NKAIN2: variants seen among roughly 807,000 people sequenced by gnomAD.
NKAIN2 encodes sodium/potassium transporting ATPase interacting 2.
Under a neutral mutation model 32.6 loss-of-function variants are expected in NKAIN2, and 14 were observed. The observed-to-expected ratio is 0.43, with a 90% CI of 0.28 to 0.67. The LOEUF (loss-of-function observed/expected upper bound fraction) is 0.67. NKAIN2 is among the 30% of genes least tolerant of loss of function. The pLI, the probability that NKAIN2 is intolerant of heterozygous loss-of-function variation, is 0.17. For missense variants in NKAIN2, 198 were observed against 258.3 expected, an observed-to-expected ratio of 0.77 and a Z score of 1.60; for synonymous variants, 80 against 87.2, an observed-to-expected ratio of 0.92 and a Z score of 0.46.
chr6:124,065,227 C>T (rs1342028415), intron 1 of NKAIN2, among the ~76,000 whole-genome samples: 1 of 151,958 alleles, frequency 6.6e-6, no homozygotes, highest in African/African-American at 2.4e-5. Flanking sequence ...CACACACACA[C>T]ACACACACAC....
At chr6:123,969,071 G>A (rs868810151) in intron 1 of NKAIN2, among the ~76,000 whole-genome samples, 32 of 152,014 alleles carry the variant, frequency 2.1e-4, no homozygotes, top group African/African-American at 7.7e-4. Flanking sequence ...TTACCTGGAG[G>A]TATAGGTCCC....
intron 1 of NKAIN2, among the ~76,000 whole-genome samples, chr6:124,177,093 T>A (rs1789193943): frequency 6.6e-6 from 1 of 152,180 alleles, no homozygotes; most frequent in Non-Finnish European, 1.5e-5. Context: ...ATTAGGTTAA[T>A]CTACCAAATA....
At chr6:124,578,468 CAG>C (rs1781409043) in intron 3 of NKAIN2, among the ~76,000 whole-genome samples, 1 of 151,956 alleles carries the variant, frequency 6.6e-6, no homozygotes, top group Non-Finnish European at 1.5e-5. Flanking sequence ...ATGCCAGCCA[CAG>C]AGAGAGACTC....
chr6:124,807,545 C>G (rs1780637834), intron 5 of NKAIN2, among the ~76,000 whole-genome samples: 1 of 148,016 alleles, frequency 6.8e-6, no homozygotes. Flanking sequence ...CAGGAAAGAT[C>G]CAAAATTGAC....
At chr6:124,568,867 T>C (rs989974514) in intron 3 of NKAIN2, among the ~76,000 whole-genome samples, 2 of 151,220 alleles carry the variant, frequency 1.3e-5, no homozygotes, top group Non-Finnish European at 2.9e-5. Context: ...GGAAAATCTT[T>C]ATTAGAAGAA....
At chr6:123,947,586 G>A (rs1777129076) in intron 1 of NKAIN2, among the ~76,000 whole-genome samples, 1 of 152,116 alleles carries the variant, frequency 6.6e-6, no homozygotes, top group African/African-American at 2.4e-5. Context: ...GAGAACCACA[G>A]ACATGGGCTT....
chr6:124,616,437 C>CTTTTTTTTTTTTTTTTTT (rs79406895), intron 3 of NKAIN2, among the ~76,000 whole-genome samples: 4 of 70,438 alleles, frequency 5.7e-5, no homozygotes, highest in African/African-American at 6.9e-5. Flanking sequence ...TCTTTTCTTT[C>CTTTTTTTTTTTTTTTTTT]TTTTTTTTTT....
At chr6:124,604,035 T>A (rs1782406632) in intron 3 of NKAIN2, among the ~76,000 whole-genome samples, 1 of 152,014 alleles carries the variant, frequency 6.6e-6, no homozygotes, top group Admixed American at 6.6e-5. Flanking sequence ...GGACACAGTT[T>A]TCTTTGAGAA....
chr6:123,928,038 A>G (rs980572986), intron 1 of NKAIN2, among the ~76,000 whole-genome samples: 8 of 152,216 alleles, frequency 5.3e-5, no homozygotes, highest in Non-Finnish European at 8.8e-5. Context: ...AACTAGTGGT[A>G]CATATATACC....
chr6:124,295,313 C>T (rs200894952), intron 2 of NKAIN2, among the ~76,000 whole-genome samples: 1 of 136,770 alleles, frequency 7.3e-6, no homozygotes, highest in Non-Finnish European at 1.5e-5. Flanking sequence ...CTTCTTCTTA[C>T]TATTATCATT....
intron 3 of NKAIN2, among the ~76,000 whole-genome samples, chr6:124,576,673 C>CA (rs145071307): frequency 0.097 from 14,774 of 151,798 alleles, 801 homozygotes; most frequent in South Asian, 0.2. Context: ...CCAGATAGAC[C>CA]AATAAATTTC....
At chr6:124,566,991 G>A (rs904081797) in intron 3 of NKAIN2, among the ~76,000 whole-genome samples, 5 of 152,148 alleles carry the variant, frequency 3.3e-5, no homozygotes, top group African/African-American at 9.7e-5. Flanking sequence ...TTCTGGCTTC[G>A]ATGTAAACCG....
chr6:124,529,191 T>C (rs966667364), intron 3 of NKAIN2, among the ~76,000 whole-genome samples: 1 of 152,198 alleles, frequency 6.6e-6, no homozygotes, highest in African/African-American at 2.4e-5. Flanking sequence ...TTGACATTGA[T>C]GTATACAGAA....
chr6:124,463,009 CA>C (rs1212038243), intron 3 of NKAIN2, among the ~76,000 whole-genome samples: 1 of 152,002 alleles, frequency 6.6e-6, no homozygotes, highest in Non-Finnish European at 1.5e-5. Context: ...AGCCTGTCAG[CA>C]AAGAAAATCA....
intron 1 of NKAIN2, among the ~76,000 whole-genome samples, chr6:124,055,225 G>A (rs1562331813): frequency 6.6e-6 from 1 of 151,918 alleles, no homozygotes; most frequent in Non-Finnish European, 1.5e-5. Context: ...AAATACCACT[G>A]CATTTAGTTG....
intron 1 of NKAIN2, among the ~76,000 whole-genome samples, chr6:123,825,616 A>G (rs1166810426): frequency 6.6e-6 from 1 of 152,112 alleles, no homozygotes; most frequent in African/African-American, 2.4e-5. Flanking sequence ...ATGGCTTGAA[A>G]TGGGCATATT....
chr6:124,291,016 T>C (rs1795789891), intron 2 of NKAIN2, among the ~76,000 whole-genome samples: 1 of 152,152 alleles, frequency 6.6e-6, no homozygotes, highest in Non-Finnish European at 1.5e-5. Flanking sequence ...AAATTCCATC[T>C]ATTATCTCTT....
chr6:124,684,782 C>T (rs547904753), intron 4 of NKAIN2, among the ~76,000 whole-genome samples: 11 of 152,186 alleles, frequency 7.2e-5, no homozygotes, highest in East Asian at 3.9e-4. Context: ...ATCTGGACAC[C>T]GAGTAAGTAA....
At chr6:123,916,503 A>G (rs1298530105) in intron 1 of NKAIN2, among the ~76,000 whole-genome samples, 3 of 152,100 alleles carry the variant, frequency 2.0e-5, no homozygotes, top group African/African-American at 7.2e-5. Flanking sequence ...ACCTCAAGGG[A>G]TCTGCCTGCC....
Sources: gnomAD v4.1 joint callset for allele counts (sites outside exome capture counted in the v4.1 genomes callset) on GRCh38, gnomAD v4.1.1 for gene constraint, MANE v1.5 for transcripts, NCBI Gene and HGNC (gene_info 2026-07-23, HGNC 2026-07-21) for gene names.